Variants in TTLL7 observed in about 807,000 individuals in gnomAD.
TTLL7 encodes the protein tubulin polyglutamylase TTLL7.
A neutral mutation model predicts 120.2 loss-of-function variants in TTLL7; 53 were observed. The ratio of observed to expected loss-of-function variants is 0.44; its 90% confidence interval spans 0.35 to 0.55. The LOEUF (loss-of-function observed/expected upper bound fraction) is 0.55, where lower values mean the gene tolerates loss of function less well. Ranked by LOEUF, TTLL7 falls within the 20% of genes least tolerant of loss-of-function variation. The probability of loss-of-function intolerance (pLI) is 0.00; values close to 1 mark genes in which losing one functional copy is unlikely to be tolerated. For missense variants in TTLL7, 803 were observed against 1,054.7 expected (o/e 0.76, Z 3.31); for synonymous variants, 353 against 351.7 (o/e 1.00, Z -0.04).
rs565891249 is a variant in TTLL7 at position 83,881,953 on chromosome 1, T to C, written c.2543+1010A>G. Among the ~76,000 whole-genome samples, 16 of 150,304 alleles carry C rather than the reference T, an allele frequency of 1.1e-4. No individual in the cohort carries two copies. In the South Asian group the frequency reaches 3.4e-3, roughly 32 times the overall value. On this transcript the variant is annotated intron_variant, in intron 20 of 20. Coordinates refer to ENST00000260505, the MANE Select transcript of TTLL7 (RefSeq NM_024686.6). ...GTCCTTTGTAGGGACATGGATGAAA[T>C]TGGAAATCATCATTCTCAGTAAACT... is the stretch of plus-strand genomic sequence containing the variant.
intron 10 of TTLL7, among the ~76,000 whole-genome samples, chr1:83,928,924 T>G (rs1372084113): frequency 6.6e-6 from 1 of 151,456 alleles, no homozygotes; most frequent in Non-Finnish European, 1.5e-5. Context: ...TTTTTAACTA[T>G]ATGAGTTTAA....
rs1653757136 is a variant in TTLL7 at position 83,999,079 on chromosome 1, GC to G, written c.-326del. The G allele has an allele frequency of 2.2e-6, 1 of 445,134 alleles. No homozygotes were observed. The highest frequency in any genetic ancestry group is 1.6e-5 in the South Asian group (1 of 62,762). 27.6% of individuals were successfully genotyped at this position (445,134 alleles called of 1,614,324 possible). A position where few individuals can be genotyped will look rare whatever the true frequency, so the allele number is the denominator to read the frequency against. On this transcript the variant is annotated 5_prime_UTR_variant, in exon 1 of 21. Transcript: ENST00000260505. ...CGGTGCTCTCCTCCGCCCGCCCACC[GC>G]CCGTGGCAGCCACGGCTCGGGACTC... is the stretch of plus-strand genomic sequence containing the variant.
chr1:83,964,270 A>T (rs1252638898), intron 1 of TTLL7, among the ~76,000 whole-genome samples: 1 of 152,140 alleles, frequency 6.6e-6, no homozygotes, highest in Non-Finnish European at 1.5e-5. Context: ...CTTTTATAGA[A>T]ATGCAGAGGA....
At chr1:83,940,992 CCTT>C (rs1247972787) in intron 7 of TTLL7, among the ~76,000 whole-genome samples, 3 of 152,164 alleles carry the variant, frequency 2.0e-5, no homozygotes, top group Non-Finnish European at 4.4e-5. Flanking sequence ...AACAGCCACT[CCTT>C]CTTATTCTAT....
chr1:83,917,625 A>T lies in TTLL7; in HGVS notation c.1566T>A (p.Thr522=), dbSNP rs1162787640. ...GCACCTTTGGTCCTCGAGTCTTGGT[A>T]GTTTTTCCCATCAACTTTTCATCAT... is the stretch of plus-strand genomic sequence containing the variant. The part of the protein sequence containing the change: ...EIDDEKLMGK[T]TKTRGPKPLC... Residue 522 remains threonine, a synonymous_variant, in exon 14 of 21, where the codon ACT becomes ACA. Coordinates refer to ENST00000260505, the MANE Select transcript of TTLL7 (RefSeq NM_024686.6). The T allele has an allele frequency of 6.2e-7, 1 of 1,613,008 alleles. No individual in the cohort carries two copies. The highest frequency in any genetic ancestry group is 1.3e-5 in the African/African-American group (1 of 75,014).
At chr1:83,892,681 A>AAC (rs1655758590) in intron 18 of TTLL7, among the ~76,000 whole-genome samples, 1 of 129,782 alleles carries the variant, frequency 7.7e-6, no homozygotes, top group Non-Finnish European at 1.7e-5. Context: ...TGAACATATG[A>AAC]ACATATATAT....
intron 14 of TTLL7, among the ~76,000 whole-genome samples, chr1:83,917,036 G>A (rs1658249550): frequency 6.6e-6 from 1 of 151,536 alleles, no homozygotes; most frequent in Non-Finnish European, 1.5e-5. Context: ...AGGAGTGTGA[G>A]GCTACAGTGA....
chr1:83,992,362 A>C (rs1653078493), intron 1 of TTLL7, among the ~76,000 whole-genome samples: 1 of 152,148 alleles, frequency 6.6e-6, no homozygotes, highest in African/African-American at 2.4e-5. Flanking sequence ...AGCTGATGTA[A>C]ACTGGAAATA....
At chr1:83,998,133 A>C (rs1653654201) in intron 1 of TTLL7, among the ~76,000 whole-genome samples, 1 of 152,208 alleles carries the variant, frequency 6.6e-6, no homozygotes, top group Non-Finnish European at 1.5e-5. Flanking sequence ...AAATCCATGG[A>C]CTATAGAGTC....
At chr1:83,922,251 CT>C (rs1470004111) in intron 10 of TTLL7, among the ~76,000 whole-genome samples, 1 of 152,094 alleles carries the variant, frequency 6.6e-6, no homozygotes, top group Non-Finnish European at 1.5e-5. Flanking sequence ...AAGTTCTATC[CT>C]TAAGCTTACA....
rs1218555708 is a variant in TTLL7, at chr1:83,929,229, A to C, written c.1049T>G (p.Ile350Ser). Reference protein sequence around the residue: ...DRKLKPWLLEINRAPSFGTDQ... With the variant: ...DRKLKPWLLESNRAPSFGTDQ... ...AGTTCCAAAGCTTGGGGCTCGGTTAATCTGAAATTTACAAAGAAGACAATA... is the reference window on the plus strand; with the variant it reads ...AGTTCCAAAGCTTGGGGCTCGGTTACTCTGAAATTTACAAAGAAGACAATA... The change falls in exon 10 of 21, where the codon ATT becomes AGT. Residue 350 changes from isoleucine to serine, a missense_variant and splice_region_variant. Physicochemically the swap from Ile to Ser is moderately radical, Grantham distance 142 (BLOSUM62 -2). Around this residue, in one of 3 missense-constraint regions of TTLL7, gnomAD observed 324 missense variants for 507.7 expected, o/e 0.64. Coordinates refer to ENST00000260505, the MANE Select transcript of TTLL7 (RefSeq NM_024686.6). 1 of 1,605,220 alleles carries C rather than the reference A, an allele frequency of 6.2e-7. No individual in the cohort carries two copies. The highest frequency in any genetic ancestry group is 8.5e-7 in the Non-Finnish European group (1 of 1,174,610).
At chr1:83,884,076 CCATCATGG>C (rs1026609963) in intron 19 of TTLL7, among the ~76,000 whole-genome samples, 1 of 151,218 alleles carries the variant, frequency 6.6e-6, no homozygotes, top group Non-Finnish European at 1.5e-5. Flanking sequence ...CCTAAGTTTA[CCATCATGG>C]CATCATGGTT....
Position 83,942,486 on chromosome 1 carries a change from T to C in TTLL7, c.700A>G (p.Ile234Val), listed in dbSNP as rs148979967. Residue 234 changes from isoleucine (I) to valine (V), a missense_variant, in exon 7 of 21, where the codon ATT becomes GTT. Around this residue, in one of 3 missense-constraint regions of TTLL7, gnomAD observed 324 missense variants for 507.7 expected, o/e 0.64. Transcript: ENST00000260505. ...ACCAAATTGGACTCATTAGGTGGAA[T>C]GTACTTCTCTGTACCCATTCGCACA... ...GLVRMGTEKYIPPNESNLTQL... is the reference protein window; with the variant it reads ...GLVRMGTEKYVPPNESNLTQL... 1.9e-4 allele frequency: 305 copies of C among 1,613,788 alleles called. No individual in the cohort carries two copies. Among genetic ancestry groups the C allele is most frequent in the Non-Finnish European group, 2.4e-4 (289 of 1,179,830 alleles).
At chr1:83,927,366 C>T (rs1659221636) in intron 10 of TTLL7, among the ~76,000 whole-genome samples, 1 of 152,038 alleles carries the variant, frequency 6.6e-6, no homozygotes, top group South Asian at 2.1e-4. Context: ...GACAAAAGTT[C>T]CTTCTAGAGC....
chr1:83,912,448 T>G (rs1249103918), intron 14 of TTLL7: 2 of 152,204 alleles, frequency 1.3e-5, no homozygotes, highest in African/African-American at 4.8e-5. Context: ...ACACACCATA[T>G]GCCTCCTATT....
In TTLL7 at chr1:83,947,216, A is replaced by G; in HGVS notation, c.414T>C (p.Tyr138=). The G allele has an allele frequency of 1.2e-6, 2 of 1,613,118 alleles. No individual in the cohort carries two copies. Among genetic ancestry groups the G allele is most frequent in the Non-Finnish European group, 1.7e-6 (2 of 1,179,664 alleles). ...CTTTCACATAATTTTGGAATTGAGT[A>G]TATTCAGCAGGAAAGATCCAAGTTC... is the stretch of plus-strand genomic sequence containing the variant. ...VPRTWIFPAE[Y]TQFQNYVKEL... Residue 138 remains tyrosine, a synonymous_variant, in exon 6 of 21, where the codon TAT becomes TAC. Coordinates refer to ENST00000260505, the MANE Select transcript of TTLL7 (RefSeq NM_024686.6).
At chr1:83,876,383 T>C (rs900127597) in intron 20 of TTLL7, among the ~76,000 whole-genome samples, 2 of 151,990 alleles carry the variant, frequency 1.3e-5, no homozygotes, top group African/African-American at 4.8e-5. Context: ...GTTATATTGC[T>C]CTATTTCAAG....
rs1557568169 is a variant in TTLL7 at position 83,892,729 on chromosome 1, C to CATATATATGAGCGCATATGTGA, written c.2209-2249_2209-2248insTCACATATGCGCTCATATATAT. Among the ~76,000 whole-genome samples the CATATATATGAGCGCATATGTGA allele has an allele frequency of 1.5e-3, 48 of 32,954 alleles. 1 individual carries two copies. Among genetic ancestry groups the CATATATATGAGCGCATATGTGA allele is most frequent in the African/African-American group, 2.3e-3 (19 of 8,156 alleles). 21.6% of individuals were successfully genotyped at this position (32,954 alleles called of 152,430 possible). ...GAACATATGAACATATATATGTGAA[C>CATATATATGAGCGCATATGTGA]ACATATATATGAGCGCATATGTGAA... On this transcript the variant is annotated intron_variant, in intron 18 of 20. Coordinates refer to ENST00000260505, the MANE Select transcript of TTLL7 (RefSeq NM_024686.6).
At chr1:83,918,113 G>A (rs1038110540) in intron 13 of TTLL7, among the ~76,000 whole-genome samples, 1 of 152,138 alleles carries the variant, frequency 6.6e-6, no homozygotes, top group African/African-American at 2.4e-5. Flanking sequence ...CTGATAATTG[G>A]ACTAACAGTT....
Sources: allele counts gnomAD v4.1 joint callset (sites outside exome capture counted in the v4.1 genomes callset), GRCh38; gene constraint gnomAD v4.1.1; regional missense constraint gnomAD v4.1.1; transcripts MANE v1.5; gene names NCBI Gene and HGNC (gene_info 2026-07-23, HGNC 2026-07-21).